PHF24: variants seen among roughly 807,000 people sequenced by gnomAD.
The protein encoded by PHF24 is Galpha inhibitory interacting protein.
Under a neutral mutation model 42.6 loss-of-function variants are expected in PHF24, and 25 were observed. The ratio of observed to expected loss-of-function variants is 0.59; its 90% CI spans 0.43 to 0.82. The LOEUF is 0.82. Among genes scored for constraint, PHF24 ranks in the 40% least tolerant of loss-of-function variants. The probability of loss-of-function intolerance (pLI) is 0.00; values close to 1 mark genes in which losing one functional copy is unlikely to be tolerated. For missense variants in PHF24, 470 were observed against 538.1 expected (o/e 0.87, Z 1.25); for synonymous variants, 185 against 204.8 (o/e 0.90, Z 0.83).
chr9:34,923,773 T>G, the PHF24 span, among the ~76,000 whole-genome samples: 3 of 152,150 alleles, frequency 2.0e-5, no homozygotes, highest in Non-Finnish European at 4.4e-5. Flanking sequence ...AAACAATTTT[T>G]CATTTCATTG....
At chr9:34,828,485 C>T in the PHF24 span, among the ~76,000 whole-genome samples, 1 of 152,184 alleles carries the variant, frequency 6.6e-6, no homozygotes, top group African/African-American at 2.4e-5. Flanking sequence ...GCTATTTCCT[C>T]ATTTTTCTGC....
the PHF24 span, among the ~76,000 whole-genome samples, chr9:34,747,593 T>C: frequency 6.6e-6 from 1 of 152,084 alleles, no homozygotes; most frequent in Non-Finnish European, 1.5e-5. Flanking sequence ...AAAGCCACAA[T>C]GAGTTACTAA....
At chr9:34,711,875 T>G in the PHF24 span, among the ~76,000 whole-genome samples, 1,885 of 152,302 alleles carry the variant, frequency 0.012, 32 homozygotes, top group African/African-American at 0.043. Context: ...GAGATCTTTG[T>G]TTCTTTGTGT....
chr9:34,865,962 G>A, the PHF24 span, among the ~76,000 whole-genome samples: 1 of 152,212 alleles, frequency 6.6e-6, no homozygotes, highest in Non-Finnish European at 1.5e-5. Flanking sequence ...CAAGTCACAA[G>A]TAATAATCTT....
chr9:34,774,664 T>C, the PHF24 span, among the ~76,000 whole-genome samples: 1 of 151,862 alleles, frequency 6.6e-6, no homozygotes, highest in African/African-American at 2.4e-5. Flanking sequence ...TTCCAACTAT[T>C]TGGGAGGCTG....
At chr9:34,899,492 A>G in the PHF24 span, among the ~76,000 whole-genome samples, 1 of 152,196 alleles carries the variant, frequency 6.6e-6, no homozygotes, top group African/African-American at 2.4e-5. Flanking sequence ...GCTGTGTCTC[A>G]TACTCAGAAA....
chr9:34,895,529 A>C, the PHF24 span: 11 of 398,364 alleles, frequency 2.8e-5, no homozygotes, highest in Admixed American at 1.8e-4. Context: ...TCGGGGATAA[A>C]ATCTTGTTTG....
chr9:34,702,948 C>T, the PHF24 span, among the ~76,000 whole-genome samples: 5 of 152,176 alleles, frequency 3.3e-5, no homozygotes, highest in African/African-American at 9.7e-5. Flanking sequence ...ATTATTTTGT[C>T]CCCAGATACA....
the PHF24 span, chr9:34,665,622 G>A: frequency 6.1e-6 from 4 of 655,164 alleles, no homozygotes; most frequent in South Asian, 3.0e-5. Flanking sequence ...CTCCTCCTCC[G>A]CCTCCAGCGC....
chr9:34,833,012 C>A, the PHF24 span: 1 of 1,551,654 alleles, frequency 6.4e-7, no homozygotes. Context: ...GCTCCATCGC[C>A]AGGACCCTCG....
the PHF24 span, among the ~76,000 whole-genome samples, chr9:34,789,240 G>T: frequency 1.3e-5 from 2 of 152,324 alleles, no homozygotes; most frequent in South Asian, 4.1e-4. Flanking sequence ...AACTCTCGGG[G>T]CTGCTGCTGC....
At chr9:34,775,126 C>T in the PHF24 span, among the ~76,000 whole-genome samples, 2 of 151,966 alleles carry the variant, frequency 1.3e-5, no homozygotes, top group Non-Finnish European at 2.9e-5. Context: ...GTATTGTTTA[C>T]AATAACCAAA....
the PHF24 span, among the ~76,000 whole-genome samples, chr9:34,734,437 C>T: frequency 1.3e-5 from 2 of 152,094 alleles, no homozygotes; most frequent in Admixed American, 6.5e-5. Context: ...AAATATCACT[C>T]GTGGTACAGG....
At chr9:34,680,633 A>G in the PHF24 span, among the ~76,000 whole-genome samples, 1 of 147,634 alleles carries the variant, frequency 6.8e-6, no homozygotes, top group Non-Finnish European at 1.5e-5. Context: ...GCTTGCAGTG[A>G]GCCGAGATCC....
At chr9:34,726,513 T>C in the PHF24 span, 1 of 1,551,682 alleles carries the variant, frequency 6.4e-7, no homozygotes, top group East Asian at 2.4e-5. Flanking sequence ...TGGACAAGGC[T>C]GGGGTTGCTC....
chr9:34,853,827 CAA>C, the PHF24 span, among the ~76,000 whole-genome samples: 28 of 74,784 alleles, frequency 3.7e-4, no homozygotes, highest in Middle Eastern at 0.015. Flanking sequence ...GACTCCGTCT[CAA>C]AAAAAAAAAA....
At chr9:34,697,401 C>A in the PHF24 span, among the ~76,000 whole-genome samples, 2 of 152,146 alleles carry the variant, frequency 1.3e-5, no homozygotes, top group Non-Finnish European at 2.9e-5. Context: ...CTCACTGCAA[C>A]CTCCACCTCC....
At chr9:34,950,921 T>C in the PHF24 span, among the ~76,000 whole-genome samples, 1 of 151,962 alleles carries the variant, frequency 6.6e-6, no homozygotes, top group Non-Finnish European at 1.5e-5. Flanking sequence ...ATTGACAAAC[T>C]TCTAGCCAGA....
chr9:34,894,409 C>A, the PHF24 span: 1 of 398,558 alleles, frequency 2.5e-6, no homozygotes, highest in Non-Finnish European at 4.4e-6. Context: ...ACCAGACTAG[C>A]AGCTGGGAGA....
Sources: gnomAD v4.1 joint callset for allele counts (sites outside exome capture counted in the v4.1 genomes callset) on GRCh38, gnomAD v4.1.1 for gene constraint, MANE v1.5 for transcripts, NCBI Gene and HGNC (gene_info 2026-07-23, HGNC 2026-07-21) for gene names.